The following NAA11 variants were observed in gnomAD, a reference collection of about 807,000 sequenced individuals.
The protein encoded by NAA11 is N-alpha-acetyltransferase 11, NatA catalytic subunit.
NAA11 carries 15 observed loss-of-function variants against 16.1 expected under a neutral mutation model. The ratio of observed to expected loss-of-function variants is 0.93; its 90% CI spans 0.62 to 1.44. The LOEUF is 1.44. Among genes scored for constraint, NAA11 ranks in the 40% most tolerant of loss-of-function variants. The pLI is 0.00. For missense variants in NAA11, 298 were observed against 291.3 expected, an observed-to-expected ratio of 1.02 and a Z score of -0.17; for synonymous variants, 122 against 112.4, an observed-to-expected ratio of 1.09 and a Z score of -0.54.
At chr4:79,304,865 GGGTGCAAATTAAAAGAAC>G (rs1327609885) in intron 1 of NAA11, among the ~76,000 whole-genome samples, 3 of 152,074 alleles carry the variant, frequency 2.0e-5, no homozygotes, top group African/African-American at 7.2e-5. Context: ...ATACCTGTTT[GGGTGCAAATTAAAAGAAC>G]TCTGTCAGTG....
the NAA11 span, among the ~76,000 whole-genome samples, chr4:79,206,953 T>C: frequency 6.6e-6 from 1 of 152,116 alleles, no homozygotes; most frequent in Non-Finnish European, 1.5e-5. Flanking sequence ...ATTTTGGTTT[T>C]TTTGTAGCTA....
chr4:79,286,055 T>G (rs1245276369), intron 2 of NAA11, among the ~76,000 whole-genome samples: 2 of 152,052 alleles, frequency 1.3e-5, no homozygotes, highest in Non-Finnish European at 2.9e-5. Flanking sequence ...TTAACCTTTG[T>G]CCTCTTTCTA....
At chr4:79,179,054 C>G in the NAA11 span, among the ~76,000 whole-genome samples, 3 of 152,104 alleles carry the variant, frequency 2.0e-5, no homozygotes, top group Admixed American at 1.3e-4. Flanking sequence ...GGATCTTACC[C>G]TAAATGCAAG....
At chr4:79,221,211 T>C (rs1310443682), downstream of NAA11, among the ~76,000 whole-genome samples, 1 of 151,732 alleles carries the variant, frequency 6.6e-6, no homozygotes, top group East Asian at 1.9e-4. Flanking sequence ...TTGTGATTTT[T>C]GTACATTGAT....
chr4:79,179,687 T>C, the NAA11 span, among the ~76,000 whole-genome samples: 9 of 152,176 alleles, frequency 5.9e-5, no homozygotes, highest in Non-Finnish European at 1.3e-4. Flanking sequence ...TTTCTTTGGT[T>C]CTGTACTAGG....
chr4:79,162,809 C>G, the NAA11 span, among the ~76,000 whole-genome samples: 1 of 152,102 alleles, frequency 6.6e-6, no homozygotes, highest in African/African-American at 2.4e-5. Context: ...AGCTGGAATA[C>G]TGTAAAATGT....
the NAA11 span, among the ~76,000 whole-genome samples, chr4:79,163,049 T>C: frequency 6.6e-6 from 1 of 152,182 alleles, no homozygotes; most frequent in South Asian, 2.1e-4. Context: ...CTAATATAAG[T>C]GGTAAAACTA....
downstream of NAA11, among the ~76,000 whole-genome samples, chr4:79,312,182 T>C (rs1723789608): frequency 6.6e-6 from 1 of 152,234 alleles, no homozygotes. Flanking sequence ...TTTTTCAAAA[T>C]TCTTTATAAC....
chr4:79,225,856 C>G (rs1019647879), exon 3 of NAA11: 1 of 151,972 alleles, frequency 6.6e-6, no homozygotes, highest in African/African-American at 2.4e-5. Context: ...AAAAAGCTGC[C>G]GGCAAACTGG....
At chr4:79,253,777 G>A (rs1225360854) in intron 2 of NAA11, among the ~76,000 whole-genome samples, 2 of 152,184 alleles carry the variant, frequency 1.3e-5, no homozygotes, top group South Asian at 2.1e-4. Flanking sequence ...TTTTAAATGA[G>A]TGATATTAGA....
chr4:79,295,237 T>C (rs1022012557), intron 1 of NAA11, among the ~76,000 whole-genome samples: 10 of 152,234 alleles, frequency 6.6e-5, no homozygotes, highest in African/African-American at 2.4e-5. Flanking sequence ...ATGTTGGAAC[T>C]TGCTTTTTGG....
chr4:79,163,403 G>A, the NAA11 span, among the ~76,000 whole-genome samples: 1 of 152,080 alleles, frequency 6.6e-6, no homozygotes, highest in Non-Finnish European at 1.5e-5. Context: ...GAGAACTGTG[G>A]GGCTGTGGGG....
the NAA11 span, among the ~76,000 whole-genome samples, chr4:79,194,350 C>T: frequency 1.3e-5 from 2 of 152,040 alleles, no homozygotes; most frequent in Non-Finnish European, 2.9e-5. Flanking sequence ...AGCGCACTGA[C>T]ACTTTAATAA....
chr4:79,257,093 T>C (rs980728652), intron 2 of NAA11, among the ~76,000 whole-genome samples: 4 of 152,256 alleles, frequency 2.6e-5, no homozygotes, highest in African/African-American at 9.6e-5. Flanking sequence ...ATATTTTCTT[T>C]ATTTTTATTA....
chr4:79,323,629 G>A (rs1724168450), intron 1 of NAA11, among the ~76,000 whole-genome samples: 1 of 152,140 alleles, frequency 6.6e-6, no homozygotes, highest in Non-Finnish European at 1.5e-5. Context: ...GACCATCCTG[G>A]CTAACACAGT....
At chr4:79,216,670 T>C in the NAA11 span, among the ~76,000 whole-genome samples, 8 of 152,150 alleles carry the variant, frequency 5.3e-5, no homozygotes, top group African/African-American at 1.7e-4. Flanking sequence ...TTTAAAAGAA[T>C]AGTCTATTAT....
chr4:79,168,519 C>T, the NAA11 span, among the ~76,000 whole-genome samples: 1 of 152,222 alleles, frequency 6.6e-6, no homozygotes, highest in Non-Finnish European at 1.5e-5. Context: ...TCTACACATC[C>T]TCTCCAGCAT....
the NAA11 span, among the ~76,000 whole-genome samples, chr4:79,192,703 T>C: frequency 3.9e-5 from 6 of 152,152 alleles, no homozygotes; most frequent in African/African-American, 1.4e-4. Context: ...TGCATGTGTC[T>C]TTATAGCAGC....
the NAA11 span, among the ~76,000 whole-genome samples, chr4:79,191,136 C>T: frequency 4.6e-5 from 7 of 152,158 alleles, no homozygotes; most frequent in Admixed American, 6.5e-5. Flanking sequence ...TGAACGTTCG[C>T]GTGCATGTGT....
Sources: allele counts gnomAD v4.1 joint callset (sites outside exome capture counted in the v4.1 genomes callset), GRCh38; gene constraint gnomAD v4.1.1; transcripts MANE v1.5; gene names NCBI Gene and HGNC (gene_info 2026-07-23, HGNC 2026-07-21).